The following KCNQ1 variants were observed in gnomAD, a reference collection of about 807,000 sequenced individuals.
KCNQ1 encodes potassium voltage-gated channel subfamily Q member 1.
A neutral mutation model predicts 72.4 loss-of-function variants in KCNQ1; 49 were observed. The observed-to-expected ratio is 0.68, with a 90% CI of 0.54 to 0.86. The LOEUF is 0.86. Ranked by LOEUF, KCNQ1 falls within the 40% of genes least tolerant of loss-of-function variation. KCNQ1 has a pLI of 0.00. For missense variants in KCNQ1, 790 were observed against 945.1 expected (o/e 0.84, Z 2.15); for synonymous variants, 450 against 412.6 (o/e 1.09, Z -1.10).
intron 11 of KCNQ1, chr11:2,665,457 C>T (rs992982546): frequency 3.8e-5 from 15 of 396,994 alleles, no homozygotes; most frequent in African/African-American, 2.5e-4. Context: ...GTCACTGGCA[C>T]GACAGTGGGT....
rs1164654807 is a variant in KCNQ1 at position 2,766,620 on chromosome 11, TA to T, written c.1515-2222del. ...TTAATCACAGTCTGCCCTCTGGCCA[TA>T]ACTTTTCGCATTCTCCCCTATGCAA... On this transcript the variant is annotated intron_variant, in intron 11 of 15. Coordinates refer to ENST00000155840, the MANE Select transcript of KCNQ1 (RefSeq NM_000218.3). This position sits in a 1 kb window ranked among gnomAD's most constrained non-coding sequence, Gnocchi z 4.4. Among the ~76,000 whole-genome samples, 1 of 152,154 alleles carries T rather than the reference TA, an allele frequency of 6.6e-6. No homozygotes were observed. Among genetic ancestry groups the T allele is most frequent in the Non-Finnish European group, 1.5e-5 (1 of 68,032 alleles).
At chr11:2,666,604 G>A in intron 11 of KCNQ1, 4 of 398,668 alleles carry the variant, frequency 1.0e-5, no homozygotes, top group Non-Finnish European at 1.8e-5. Context: ...CTGGAAATAA[G>A]GGCAAACGTC....
At chr11:2,741,247 G>A (rs1846044524) in intron 11 of KCNQ1, among the ~76,000 whole-genome samples, 1 of 152,196 alleles carries the variant, frequency 6.6e-6, no homozygotes, top group Admixed American at 6.5e-5. Flanking sequence ...AGGGCCTCCT[G>A]TGAGAGGGCA....
chr11:2,597,506 A>T (rs1554896052), intron 10 of KCNQ1, among the ~76,000 whole-genome samples: 1 of 152,212 alleles, frequency 6.6e-6, no homozygotes, highest in Non-Finnish European at 1.5e-5. Flanking sequence ...CACTCTCATC[A>T]CTGATGCAGG....
In KCNQ1 at chr11:2,817,685, A is replaced by C. The variant is rs951927073; in HGVS notation, c.1795-30082A>C. ...CCGGGTCTGGGGACTGTTAGCACAG[A>C]CCTGAGCCGAGGCCCCCTTCTCACA... On this transcript the variant is annotated intron_variant, in intron 15 of 15. Transcript: ENST00000155840. The surrounding 1 kb of genome is among the most constrained non-coding windows in gnomAD (Gnocchi z 6.1). Among the ~76,000 whole-genome samples the C allele has an allele frequency of 3.3e-5, 5 of 151,988 alleles. No individual in the cohort carries two copies. Among genetic ancestry groups the C allele is most frequent in the Non-Finnish European group, 7.4e-5 (5 of 67,970 alleles).
chr11:2,614,769 A>G lies in KCNQ1; in HGVS notation c.1393+25915A>G, dbSNP rs186146165. On this transcript the variant is annotated intron_variant, in intron 10 of 15. Coordinates refer to ENST00000155840, the MANE Select transcript of KCNQ1 (RefSeq NM_000218.3). Reference sequence around the variant, plus strand: ...TGTGTCCTAGAGACCACATTGTGTCAGTACCACATTGTTTTGATTACTGCA... The same window carrying G: ...TGTGTCCTAGAGACCACATTGTGTCGGTACCACATTGTTTTGATTACTGCA... 108 of 398,498 alleles carry G rather than the reference A, an allele frequency of 2.7e-4. No homozygotes were observed. In the Admixed American group the frequency reaches 3.3e-3, roughly 12 times the overall value. 24.7% of individuals were successfully genotyped at this position (398,498 alleles called of 1,614,324 possible). A position where few individuals can be genotyped will look rare whatever the true frequency, so the allele number is the denominator to read the frequency against.
chr11:2,765,531 C>G (rs1033004561), intron 11 of KCNQ1, among the ~76,000 whole-genome samples: 2 of 152,210 alleles, frequency 1.3e-5, no homozygotes, highest in Non-Finnish European at 2.9e-5. Flanking sequence ...AAATTTGTCT[C>G]TGACTTGACA....
Position 2,478,100 on chromosome 11 carries a change from A to G in KCNQ1, c.386+32616A>G, listed in dbSNP as rs1846598870. 6.6e-6 allele frequency among the ~76,000 whole-genome samples: 1 copy of G among 152,162 alleles called. No homozygotes were observed. ...ACAGGCCAGCTTCACCACCCTCCGG[A>G]TGGACAGCCTCGGTAGCAGAACTCC... On this transcript the variant is annotated intron_variant, in intron 1 of 15. Coordinates refer to ENST00000155840, the MANE Select transcript of KCNQ1 (RefSeq NM_000218.3). This position sits in a 1 kb window ranked among gnomAD's most constrained non-coding sequence, Gnocchi z 4.0.
At chr11:2,728,923 T>C (rs539083214) in intron 11 of KCNQ1, among the ~76,000 whole-genome samples, 1 of 152,378 alleles carries the variant, frequency 6.6e-6, no homozygotes, top group African/African-American at 2.4e-5. Context: ...AGTGTTTGCC[T>C]GATTTGGGGC....
In KCNQ1 at chr11:2,488,933, G is replaced by T. The variant is rs530839764; in HGVS notation, c.387-38995G>T. Among the ~76,000 whole-genome samples the T allele has an allele frequency of 2.6e-5, 4 of 152,098 alleles. No homozygotes were observed. Among genetic ancestry groups the T allele is most frequent in the Non-Finnish European group, 5.9e-5 (4 of 68,026 alleles). Reference sequence around the variant, plus strand: ...CTAGTTCCTTAAGTGGTAAAGTTAGGTTATTTACTGGAGATCTTTCTTGTT... The same window carrying T: ...CTAGTTCCTTAAGTGGTAAAGTTAGTTTATTTACTGGAGATCTTTCTTGTT... On this transcript the variant is annotated intron_variant, in intron 1 of 15. Coordinates refer to ENST00000155840, the MANE Select transcript of KCNQ1 (RefSeq NM_000218.3). The surrounding 1 kb of genome is among the most constrained non-coding windows in gnomAD (Gnocchi z 5.1).
At position 2,657,397 on chromosome 11, in the gene KCNQ1, C is replaced by T. The variant is rs76463248; in HGVS notation, c.1394-4564C>T. On this transcript the variant is annotated intron_variant, in intron 10 of 15. Coordinates refer to ENST00000155840, the MANE Select transcript of KCNQ1 (RefSeq NM_000218.3). The surrounding 1 kb of genome is among the most constrained non-coding windows in gnomAD (Gnocchi z 4.8). ...TTCATTGTCTCTTACTAAAGTTTTA[C>T]AATTTTCTCCAGAGTTCTTGCATAT... 0.013 allele frequency: 5,113 copies of T among 398,540 alleles called. 156 individuals carry two copies. Among genetic ancestry groups the T allele is most frequent in the East Asian group, 0.079 (2,220 of 28,062 alleles). 24.7% of individuals were successfully genotyped at this position (398,540 alleles called of 1,614,324 possible).
At chr11:2,521,858 C>T (rs1847387625) in intron 1 of KCNQ1, among the ~76,000 whole-genome samples, 1 of 152,226 alleles carries the variant, frequency 6.6e-6, no homozygotes, top group Admixed American at 6.5e-5. Context: ...TTAGGAGCAC[C>T]ACTCAGGGGC....
chr11:2,773,050 A>G (rs1395379715), intron 12 of KCNQ1, among the ~76,000 whole-genome samples: 1 of 151,926 alleles, frequency 6.6e-6, no homozygotes, highest in Non-Finnish European at 1.5e-5. Flanking sequence ...ACCTTTCTCA[A>G]CTCCCATCCT....
At position 2,493,756 on chromosome 11, in the gene KCNQ1, T is replaced by C. The variant is rs1419041869; in HGVS notation, c.387-34172T>C. 6.6e-6 allele frequency among the ~76,000 whole-genome samples: 1 copy of C among 152,226 alleles called. No individual in the cohort carries two copies. Among genetic ancestry groups the C allele is most frequent in the East Asian group, 1.9e-4 (1 of 5,202 alleles). On this transcript the variant is annotated intron_variant, in intron 1 of 15. Transcript: ENST00000155840. The surrounding 1 kb of genome is among the most constrained non-coding windows in gnomAD (Gnocchi z 5.3). ...TGCTGTTTTCGTTACTATAGCCTTGTAGTATAGTTTGAAGTCAGGTAGTGT... is the reference window on the plus strand; with the variant it reads ...TGCTGTTTTCGTTACTATAGCCTTGCAGTATAGTTTGAAGTCAGGTAGTGT...
Position 2,808,596 on chromosome 11 carries a change from A to G in KCNQ1, c.1794+30559A>G, listed in dbSNP as rs1458622566. ...AGTCCTCAGGTAGGTTGGTTGATTG[A>G]GTGATTGATTGATTGATAATCTTGG... On this transcript the variant is annotated intron_variant, in intron 15 of 15. Transcript: ENST00000155840. The surrounding 1 kb of genome is among the most constrained non-coding windows in gnomAD (Gnocchi z 6.0). Among the ~76,000 whole-genome samples the G allele has an allele frequency of 6.6e-6, 1 of 152,156 alleles. No individual in the cohort carries two copies. The highest frequency in any genetic ancestry group is 1.5e-5 in the Non-Finnish European group (1 of 68,030).
At chr11:2,591,257 G>C (rs1337121627) in intron 10 of KCNQ1, among the ~76,000 whole-genome samples, 1 of 152,234 alleles carries the variant, frequency 6.6e-6, no homozygotes, top group Non-Finnish European at 1.5e-5. Flanking sequence ...AGGAGGCTGG[G>C]TGGTGTTCCC....
At position 2,617,779 on chromosome 11, in the gene KCNQ1, G is replaced by C. The variant is rs1172621891; in HGVS notation, c.1393+28925G>C. 2.5e-6 allele frequency: 1 copy of C among 398,372 alleles called. No homozygotes were observed. The highest frequency in any genetic ancestry group is 2.1e-5 in the African/African-American group (1 of 48,604). The allele number at this position is 398,372 out of a possible 1,614,324, so 24.7% of individuals were successfully genotyped here. A position where few individuals can be genotyped will look rare whatever the true frequency, so the allele number is the denominator to read the frequency against. On this transcript the variant is annotated intron_variant, in intron 10 of 15. Transcript: ENST00000155840. This position sits in a 1 kb window ranked among gnomAD's most constrained non-coding sequence, Gnocchi z 4.6. ...TAATTTTGATTTGCATTTCCCTGACGATTAGTGATGTTAAATGTCTTTTCA... is the reference window on the plus strand; with the variant it reads ...TAATTTTGATTTGCATTTCCCTGACCATTAGTGATGTTAAATGTCTTTTCA...
chr11:2,689,587 T>C (rs1455978619), intron 11 of KCNQ1: 1 of 398,526 alleles, frequency 2.5e-6, no homozygotes, highest in Non-Finnish European at 4.4e-6. Flanking sequence ...AGCAGTGGTG[T>C]CTTCTAGATT....
Position 2,678,105 on chromosome 11 carries a change from T to C in KCNQ1, c.1514+16024T>C. ...CTTACTGATTTGTAGAAACTTGCTTTGTCATATTCATTGAAAATATTTTAT... is the reference window on the plus strand; with the variant it reads ...CTTACTGATTTGTAGAAACTTGCTTCGTCATATTCATTGAAAATATTTTAT... On this transcript the variant is annotated intron_variant, in intron 11 of 15. Transcript: ENST00000155840. This position sits in a 1 kb window ranked among gnomAD's most constrained non-coding sequence, Gnocchi z 4.9. 1 of 398,448 alleles carries C rather than the reference T, an allele frequency of 2.5e-6. No individual in the cohort carries two copies. Among genetic ancestry groups the C allele is most frequent in the East Asian group, 3.6e-5 (1 of 28,012 alleles). 24.7% of individuals were successfully genotyped at this position (398,448 alleles called of 1,614,324 possible).
Sources: gnomAD v4.1 joint callset for allele counts (sites outside exome capture counted in the v4.1 genomes callset) on GRCh38, gnomAD v4.1.1 for gene constraint, Gnocchi (gnomAD v3.1) non-coding constraint, MANE v1.5 for transcripts, NCBI Gene and HGNC (gene_info 2026-07-23, HGNC 2026-07-21) for gene names.